Variants in DNAH11 observed in about 807,000 individuals in gnomAD.
The protein encoded by DNAH11 is axonemal beta dynein heavy chain 11.
Under a neutral mutation model 526.0 loss-of-function variants are expected in DNAH11, and 442 were observed. The ratio of observed to expected loss-of-function variants is 0.84; its 90% CI spans 0.78 to 0.91. DNAH11 has a LOEUF of 0.91. DNAH11 is among the 40% of genes least tolerant of loss of function. The pLI, the probability that DNAH11 is intolerant of heterozygous loss-of-function variation, is 0.00. For synonymous variants in DNAH11, 2,461 were observed against 1,935.9 expected, an observed-to-expected ratio of 1.27 and a Z score of -7.12; for missense variants, 6,989 against 5,448.7, an observed-to-expected ratio of 1.28 and a Z score of -8.90.
At chr7:21,579,879 G>C (rs1311887454) in intron 8 of DNAH11, among the ~76,000 whole-genome samples, 1 of 152,196 alleles carries the variant, frequency 6.6e-6, no homozygotes, top group Non-Finnish European at 1.5e-5. Context: ...ACCCAGATGA[G>C]CAATAATGGT....
intron 9 of DNAH11, among the ~76,000 whole-genome samples, chr7:21,583,117 A>G (rs1784371490): frequency 6.6e-6 from 1 of 152,162 alleles, no homozygotes; most frequent in Non-Finnish European, 1.5e-5. Flanking sequence ...GAAAAAGAGC[A>G]TGTATAGCCA....
intron 25 of DNAH11, among the ~76,000 whole-genome samples, chr7:21,631,483 G>T (rs1292241493): frequency 6.6e-6 from 1 of 152,170 alleles, no homozygotes; most frequent in African/African-American, 2.4e-5. Flanking sequence ...AAAATCAAAA[G>T]CAAGTTAGTT....
chr7:21,617,178 A>G (rs1785819714), intron 22 of DNAH11, among the ~76,000 whole-genome samples: 1 of 152,220 alleles, frequency 6.6e-6, no homozygotes, highest in Admixed American at 6.5e-5. Context: ...AAGATGATGA[A>G]ATATTTAGGT....
chr7:21,658,722 C>G, intron 29 of DNAH11, 76 bp from the exon 30 acceptor site: 3 of 1,320,926 alleles, frequency 2.3e-6, no homozygotes, highest in Non-Finnish European at 3.1e-6. Context: ...TCTGCGTGGC[C>G]TTAGAGCCAG....
At chr7:21,553,436 C>G (rs937282340) in intron 2 of DNAH11, among the ~76,000 whole-genome samples, 10 of 152,014 alleles carry the variant, frequency 6.6e-5, no homozygotes, top group Non-Finnish European at 1.5e-4. Context: ...GTTCTGTACC[C>G]CTTGGTTGGT....
intron 75 of DNAH11, among the ~76,000 whole-genome samples, chr7:21,882,341 A>T (rs765210049): frequency 2.0e-5 from 3 of 152,004 alleles, no homozygotes; most frequent in Non-Finnish European, 4.4e-5. Context: ...ACACATTCTC[A>T]TGTTTCTCAG....
intron 76 of DNAH11, among the ~76,000 whole-genome samples, chr7:21,884,630 C>T (rs1348849636): frequency 6.6e-6 from 1 of 152,096 alleles, no homozygotes; most frequent in Non-Finnish European, 1.5e-5. Context: ...TCTGTGTGTG[C>T]TAGAGAGTGC....
intron 6 of DNAH11, among the ~76,000 whole-genome samples, chr7:21,569,675 G>A (rs1044427245): frequency 6.6e-6 from 1 of 152,152 alleles, no homozygotes; most frequent in African/African-American, 2.4e-5. Context: ...GGTAAAGTGA[G>A]CATACTTTAA....
intron 39 of DNAH11, 48 bp from the exon 40 acceptor site, chr7:21,707,651 G>C (rs1405760476): frequency 2.5e-6 from 4 of 1,583,918 alleles, no homozygotes; most frequent in Non-Finnish European, 3.4e-6. Context: ...CTTTCCATTT[G>C]GCTTATGTTA....
intron 9 of DNAH11, among the ~76,000 whole-genome samples, chr7:21,582,302 T>A (rs1784338937): frequency 6.6e-6 from 1 of 152,198 alleles, no homozygotes; most frequent in Non-Finnish European, 1.5e-5. Flanking sequence ...GCCAATGAAA[T>A]ATTGATTCAA....
chr7:21,592,974 T>C (rs1470128928), intron 14 of DNAH11, among the ~76,000 whole-genome samples: 1 of 152,182 alleles, frequency 6.6e-6, no homozygotes, highest in Non-Finnish European at 1.5e-5. Flanking sequence ...AAATGTGTCT[T>C]GTGTTCAGGG....
intron 29 of DNAH11, among the ~76,000 whole-genome samples, chr7:21,658,404 T>C (rs1782108875): frequency 6.6e-6 from 1 of 152,152 alleles, no homozygotes; most frequent in East Asian, 1.9e-4. Flanking sequence ...AGAATATGAC[T>C]CATACCTCTA....
chr7:21,553,385 C>A (rs1331763204), intron 2 of DNAH11, among the ~76,000 whole-genome samples: 2 of 152,098 alleles, frequency 1.3e-5, no homozygotes, highest in African/African-American at 4.8e-5. Flanking sequence ...AACCTGAAAT[C>A]CCTCCCCTTT....
chr7:21,637,638 G>A lies in DNAH11; in HGVS notation c.4753G>A (p.Glu1585Lys). The A allele has an allele frequency of 6.3e-7, 1 of 1,589,732 alleles. No individual in the cohort carries two copies. Among genetic ancestry groups the A allele is most frequent in the Non-Finnish European group, 8.6e-7 (1 of 1,167,224 alleles). Residue 1585 changes from glutamate (E) to lysine (K), a missense_variant, in exon 27 of 82, where the codon GAA becomes AAA. Coordinates refer to ENST00000409508, the MANE Select transcript of DNAH11 (RefSeq NM_001277115.2). ...GTTAATGTTCAAGACAGCCAAAGTA[G>A]AAAATGTGTTAGAAGCAACGTGCAG... is the stretch of plus-strand genomic sequence containing the variant. ...KELMFKTAKV[E>K]NVLEATCRPN... is the part of the protein sequence containing the mutation.
chr7:21,701,666 G>A (rs960894415), intron 36 of DNAH11, among the ~76,000 whole-genome samples: 2 of 152,142 alleles, frequency 1.3e-5, no homozygotes, highest in African/African-American at 4.8e-5. Context: ...AATGATGGTC[G>A]AGACCTACTA....
intron 48 of DNAH11, among the ~76,000 whole-genome samples, chr7:21,739,943 C>G (rs1440863475): frequency 6.6e-6 from 1 of 152,108 alleles, no homozygotes; most frequent in Non-Finnish European, 1.5e-5. Flanking sequence ...TTGTTTTACC[C>G]TATTATTAAC....
At chr7:21,848,967 C>T (rs1165185992) in intron 66 of DNAH11, among the ~76,000 whole-genome samples, 6 of 152,178 alleles carry the variant, frequency 3.9e-5, no homozygotes, top group Admixed American at 1.3e-4. Flanking sequence ...CTCACTGCAA[C>T]CTCTGCCTCC....
At chr7:21,814,800 C>G (rs997819341) in intron 63 of DNAH11, among the ~76,000 whole-genome samples, 2 of 151,740 alleles carry the variant, frequency 1.3e-5, no homozygotes, top group Non-Finnish European at 2.9e-5. Flanking sequence ...TGAAATGATG[C>G]TTATTTTCCT....
chr7:21,867,575 A>G (rs1016873498), intron 71 of DNAH11, among the ~76,000 whole-genome samples: 41 of 152,328 alleles, frequency 2.7e-4, no homozygotes, highest in African/African-American at 8.7e-4. Flanking sequence ...TTTGGGGGAT[A>G]CAAAGCCATA....
Sources: gnomAD v4.1 joint callset for allele counts (sites outside exome capture counted in the v4.1 genomes callset) on GRCh38, gnomAD v4.1.1 for gene constraint, MANE v1.5 for transcripts, NCBI Gene and HGNC (gene_info 2026-07-23, HGNC 2026-07-21) for gene names.